Variants in FAM13A observed in about 807,000 individuals in gnomAD.
The protein encoded by FAM13A is family with sequence similarity 13 member A, also known as protein FAM13A.
Under a neutral mutation model 129.6 loss-of-function variants are expected in FAM13A, and 76 were observed. The ratio of observed to expected loss-of-function variants is 0.59; its 90% CI spans 0.49 to 0.71. FAM13A has a LOEUF of 0.71. Ranked by LOEUF, FAM13A falls within the 30% of genes least tolerant of loss-of-function variation. FAM13A has a pLI of 0.00. For synonymous variants in FAM13A, 443 were observed against 449.9 expected (o/e 0.98, Z 0.20); for missense variants, 1,108 against 1,249.3 (o/e 0.89, Z 1.70).
chr4:88,898,489 C>T (rs753898679), intron 6 of FAM13A, among the ~76,000 whole-genome samples: 21 of 151,950 alleles, frequency 1.4e-4, no homozygotes, highest in Non-Finnish European at 1.6e-4. Context: ...AAAATCAAAG[C>T]ATAAGTTTTA....
At chr4:88,923,245 A>G (rs1363176520) in intron 5 of FAM13A, among the ~76,000 whole-genome samples, 3 of 152,192 alleles carry the variant, frequency 2.0e-5, no homozygotes, top group Non-Finnish European at 4.4e-5. Flanking sequence ...GAGACACAAC[A>G]ACAAAAAAGA....
intron 5 of FAM13A, among the ~76,000 whole-genome samples, chr4:88,913,033 AAGAAGAAGTAGT>A (rs1349414567): frequency 5.3e-5 from 8 of 151,832 alleles, no homozygotes; most frequent in Non-Finnish European, 1.0e-4. Context: ...GAAGAAGAAG[AAGAAGAAGTAGT>A]AGAAGTAGTA....
chr4:89,049,908 G>C (rs1012035509), intron 1 of FAM13A, among the ~76,000 whole-genome samples: 2 of 151,772 alleles, frequency 1.3e-5, no homozygotes, highest in African/African-American at 4.9e-5. Flanking sequence ...TCTAAATCTA[G>C]AGAATGGGAT....
chr4:88,738,363 GTGGAAACGCTGAGTCT>G (rs1238695894), intron 20 of FAM13A, among the ~76,000 whole-genome samples: 1 of 152,154 alleles, frequency 6.6e-6, no homozygotes, highest in African/African-American at 2.4e-5. Flanking sequence ...TAAGCTGGGG[GTGGAAACGCTGAGTCT>G]GGGATGAGGG....
intron 8 of FAM13A, among the ~76,000 whole-genome samples, chr4:88,796,896 C>G (rs1240003142): frequency 6.6e-6 from 1 of 152,032 alleles, no homozygotes; most frequent in Non-Finnish European, 1.5e-5. Flanking sequence ...ATCCTATGCA[C>G]AATTCTACTA....
intron 1 of FAM13A, among the ~76,000 whole-genome samples, chr4:89,052,094 C>G (rs1395232591): frequency 2.0e-5 from 3 of 151,856 alleles, no homozygotes; most frequent in East Asian, 2.0e-4. Flanking sequence ...CCGGCAGAGA[C>G]AGCTCTATGT....
intron 3 of FAM13A, among the ~76,000 whole-genome samples, chr4:89,010,927 C>A (rs1765646222): frequency 1.3e-5 from 2 of 152,132 alleles, no homozygotes; most frequent in South Asian, 4.1e-4. Flanking sequence ...CGGTTCACTG[C>A]AACCTCCACC....
In FAM13A at chr4:88,731,334, T is replaced by C; in HGVS notation, c.2938A>G (p.Asn980Asp). The change falls in exon 23 of 24, where the codon AAT (asparagine) becomes GAT (aspartate). Residue 980 changes from asparagine to aspartate, a missense_variant. By Grantham distance (23) the Asn-to-Asp change is conservative. This residue lies in a region of FAM13A where 529 missense variants were observed against 621.2 expected (regional missense o/e 0.85). Transcript: ENST00000264344. ...RDFEDNFFRQNGRNVQKEDRT... is the reference protein window; with the variant it reads ...RDFEDNFFRQDGRNVQKEDRT... ...GGGGAAGACAGGCACTACCTTCCATTCTGTCTGAAAAAGTTGTCTTCAAAA... is the reference window on the plus strand; with the variant it reads ...GGGGAAGACAGGCACTACCTTCCATCCTGTCTGAAAAAGTTGTCTTCAAAA... 1 of 1,597,860 alleles carries C rather than the reference T, an allele frequency of 6.3e-7. No individual in the cohort carries two copies. Among genetic ancestry groups the C allele is most frequent in the South Asian group, 1.1e-5 (1 of 90,788 alleles).
chr4:88,864,418 A>G (rs1257097801), intron 6 of FAM13A, among the ~76,000 whole-genome samples: 1 of 152,112 alleles, frequency 6.6e-6, no homozygotes, highest in Non-Finnish European at 1.5e-5. Flanking sequence ...TTATTTATTT[A>G]TTTATTTTTG....
At chr4:88,747,101 G>A in intron 18 of FAM13A, 86 bp from the exon 19 acceptor site, 1 of 932,286 alleles carries the variant, frequency 1.1e-6, no homozygotes, top group South Asian at 1.4e-5. Flanking sequence ...CTAAAGCAAG[G>A]CTAAAAAGAA....
Position 89,009,836 on chromosome 4 carries a change from C to T in FAM13A, c.427+10624G>A, listed in dbSNP as rs572507136. ...AGTCTGGGTTGAGCGGTCTGTTGGT[C>T]TTGCAAGGAAGAGTATTTTAGGTGG... is the stretch of plus-strand genomic sequence containing the variant. On this transcript the variant is annotated intron_variant, in intron 3 of 23. Coordinates refer to ENST00000264344, the MANE Select transcript of FAM13A (RefSeq NM_014883.4). Among the ~76,000 whole-genome samples, 751 of 152,290 alleles carry T rather than the reference C, an allele frequency of 4.9e-3. 5 individuals carry two copies. The highest frequency in any genetic ancestry group is 0.016 in the African/African-American group (676 of 41,550).
chr4:88,881,769 T>C (rs537192763), intron 6 of FAM13A, among the ~76,000 whole-genome samples: 1 of 151,934 alleles, frequency 6.6e-6, no homozygotes, highest in South Asian at 2.1e-4. Flanking sequence ...GTGAAATAGA[T>C]AGCATAAATA....
chr4:88,772,335 C>A (rs916460948), intron 11 of FAM13A, among the ~76,000 whole-genome samples: 4 of 152,106 alleles, frequency 2.6e-5, no homozygotes, highest in Non-Finnish European at 5.9e-5. Context: ...CATTCATATT[C>A]AAAAAGAACT....
chr4:88,767,428 C>A, intron 13 of FAM13A, 125 bp downstream of exon 13: 1 of 552,950 alleles, frequency 1.8e-6, no homozygotes, highest in East Asian at 3.1e-5. Context: ...ATTTGCCTTT[C>A]TAATCAATCA....
intron 6 of FAM13A, among the ~76,000 whole-genome samples, chr4:88,856,529 CA>C (rs1294994090): frequency 2.6e-5 from 4 of 151,724 alleles, no homozygotes; most frequent in Non-Finnish European, 4.4e-5. Context: ...CAAAAAACCC[CA>C]AAAAAACCAA....
chr4:89,032,777 C>A (rs1768875933), intron 1 of FAM13A, among the ~76,000 whole-genome samples: 1 of 152,202 alleles, frequency 6.6e-6, no homozygotes, highest in Non-Finnish European at 1.5e-5. Context: ...TGCATGTTCA[C>A]TGTGAACAGC....
At chr4:88,737,655 ACT>A in intron 20 of FAM13A, 100 bp from the exon 21 acceptor site, 1 of 909,068 alleles carries the variant, frequency 1.1e-6, no homozygotes, top group Admixed American at 2.1e-5. Flanking sequence ...TTAACTTTTA[ACT>A]CTGCATTCTT....
At chr4:88,922,915 C>T (rs1579295802) in intron 5 of FAM13A, among the ~76,000 whole-genome samples, 1 of 152,092 alleles carries the variant, frequency 6.6e-6, no homozygotes, top group Non-Finnish European at 1.5e-5. Context: ...GAGAATACTA[C>T]AAACACCTCT....
At chr4:88,817,666 C>T (rs1033536135) in intron 7 of FAM13A, among the ~76,000 whole-genome samples, 2 of 152,104 alleles carry the variant, frequency 1.3e-5, no homozygotes, top group Non-Finnish European at 2.9e-5. Flanking sequence ...ATCCATTCTG[C>T]ACCACAGACA....
Sources: gnomAD v4.1 joint callset for allele counts (sites outside exome capture counted in the v4.1 genomes callset) on GRCh38, gnomAD v4.1.1 for gene constraint, gnomAD v4.1.1 regional missense constraint, MANE v1.5 for transcripts, NCBI Gene and HGNC (gene_info 2026-07-23, HGNC 2026-07-21) for gene names.